Variants in MEGF10 observed in about 807,000 individuals in gnomAD.
MEGF10 encodes multiple EGF like domains 10, also known as multiple epidermal growth factor-like domains protein 10.
A neutral mutation model predicts 147.5 loss-of-function variants in MEGF10; 86 were observed. The ratio of observed to expected loss-of-function variants is 0.58; its 90% CI spans 0.49 to 0.70. The LOEUF (loss-of-function observed/expected upper bound fraction) is 0.70. MEGF10 is among the 30% of genes least tolerant of loss of function. MEGF10 has a pLI of 0.00. For synonymous variants in MEGF10, 478 were observed against 525.5 expected (o/e 0.91, Z 1.24); for missense variants, 1,329 against 1,487.3 (o/e 0.89, Z 1.75).
rs559326378 is a variant in MEGF10 at position 127,373,954 on chromosome 5, AC to A, written c.412+3953del. 4.3e-3 allele frequency among the ~76,000 whole-genome samples: 650 copies of A among 152,290 alleles called. 2 individuals are homozygous for A. The highest frequency in any genetic ancestry group is 7.5e-3 in the Non-Finnish European group (512 of 68,016). On this transcript the variant is annotated intron_variant, in intron 5 of 24. Transcript: ENST00000503335. ...ACTTGCTGGAAATATGCCCTCTAGG[AC>A]TTTTATAGGACTTTGGAAAAAACTC... is the stretch of plus-strand genomic sequence containing the variant.
intron 9 of MEGF10, among the ~76,000 whole-genome samples, chr5:127,417,417 T>C (rs1764817801): frequency 6.6e-6 from 1 of 152,226 alleles, no homozygotes; most frequent in Non-Finnish European, 1.5e-5. Context: ...TACATCCTGC[T>C]AGAGATGATG....
chr5:127,417,912 C>T (rs1028167376), intron 10 of MEGF10, 100 bp downstream of exon 10: 15 of 1,208,664 alleles, frequency 1.2e-5, no homozygotes, highest in Middle Eastern at 2.7e-4. Context: ...AGTGAATGTG[C>T]TAAAGTCATC....
At chr5:127,327,579 C>G (rs1271656085) in intron 1 of MEGF10, among the ~76,000 whole-genome samples, 2 of 152,192 alleles carry the variant, frequency 1.3e-5, no homozygotes, top group African/African-American at 4.8e-5. Flanking sequence ...ACTGGACTTT[C>G]CTTCTTCAGA....
chr5:127,388,833 C>T (rs1763539688), intron 5 of MEGF10, among the ~76,000 whole-genome samples: 1 of 152,206 alleles, frequency 6.6e-6, no homozygotes, highest in Non-Finnish European at 1.5e-5. Context: ...GCATGAGCCA[C>T]TGCCCCTGGC....
chr5:127,307,631 G>C (rs1349935547), intron 1 of MEGF10, among the ~76,000 whole-genome samples: 2 of 152,118 alleles, frequency 1.3e-5, no homozygotes, highest in Non-Finnish European at 1.5e-5. Context: ...CTTTAGCATA[G>C]TCTCAAAATT....
chr5:127,326,566 T>C (rs745745170), intron 1 of MEGF10, among the ~76,000 whole-genome samples: 6 of 152,178 alleles, frequency 3.9e-5, no homozygotes, highest in Non-Finnish European at 8.8e-5. Context: ...TTTAATGCAC[T>C]GAAGCTGGAC....
At chr5:127,297,452 A>C (rs989138199) in intron 1 of MEGF10, among the ~76,000 whole-genome samples, 5 of 152,182 alleles carry the variant, frequency 3.3e-5, no homozygotes, top group Admixed American at 6.5e-5. Flanking sequence ...AAAAAAAAAC[A>C]ACAACTGAGC....
At chr5:127,299,043 C>T (rs1325340175) in intron 1 of MEGF10, among the ~76,000 whole-genome samples, 1 of 152,114 alleles carries the variant, frequency 6.6e-6, no homozygotes, top group Non-Finnish European at 1.5e-5. Flanking sequence ...GCAGACATGG[C>T]GTTGGGGGAA....
chr5:127,427,819 T>C (rs1765254565), intron 13 of MEGF10, among the ~76,000 whole-genome samples: 1 of 152,182 alleles, frequency 6.6e-6, no homozygotes, highest in African/African-American at 2.4e-5. Flanking sequence ...TTGGAGGTAA[T>C]AACTTTAGTC....
rs1766467818 is a variant in MEGF10, at chr5:127,458,999, A to T, written c.*1681A>T. On this transcript the variant is annotated 3_prime_UTR_variant, in exon 25 of 25. Coordinates refer to ENST00000503335, the MANE Select transcript of MEGF10 (RefSeq NM_001256545.2). ...AAGCCAGTTTCCCTTTTGTTGATCT[A>T]CTTGACCAAGCAAAGGGGCTGAAAA... 1 of 152,200 alleles carries T rather than the reference A, an allele frequency of 6.6e-6. No homozygotes were observed. The highest frequency in any genetic ancestry group is 1.5e-5 in the Non-Finnish European group (1 of 68,034). The allele number at this position is 152,200 out of a possible 1,614,324, so 9.4% of individuals were successfully genotyped here.
intron 12 of MEGF10, among the ~76,000 whole-genome samples, chr5:127,422,208 A>G (rs894692673): frequency 2.0e-5 from 3 of 152,176 alleles, no homozygotes; most frequent in South Asian, 2.1e-4. Flanking sequence ...CTAAGAAGAC[A>G]TAGAAAGAGG....
At chr5:127,305,273 A>C (rs1208875411) in intron 1 of MEGF10, among the ~76,000 whole-genome samples, 1 of 152,214 alleles carries the variant, frequency 6.6e-6, no homozygotes, top group Non-Finnish European at 1.5e-5. Context: ...TGAGGTAAGG[A>C]AAGAGTCTGG....
chr5:127,302,227 A>G (rs955519058), intron 1 of MEGF10, among the ~76,000 whole-genome samples: 11 of 152,236 alleles, frequency 7.2e-5, no homozygotes, highest in Admixed American at 1.3e-4. Context: ...CCAAATGTCT[A>G]TCAACTGATA....
chr5:127,451,492 A>T (rs1294105867), intron 22 of MEGF10, among the ~76,000 whole-genome samples: 1 of 152,258 alleles, frequency 6.6e-6, no homozygotes, highest in African/African-American at 2.4e-5. Flanking sequence ...CTTATTGGTA[A>T]CATCATCTAA....
intron 8 of MEGF10, among the ~76,000 whole-genome samples, chr5:127,405,726 G>C (rs777111525): frequency 2.6e-5 from 4 of 151,910 alleles, no homozygotes; most frequent in Non-Finnish European, 5.9e-5. Context: ...TCTCATGTTT[G>C]CTATTGGTAT....
intron 1 of MEGF10, among the ~76,000 whole-genome samples, chr5:127,292,006 C>A (rs1024117399): frequency 1.3e-5 from 2 of 152,170 alleles, no homozygotes; most frequent in African/African-American, 4.8e-5. Context: ...GTTCTTCTTG[C>A]CTTACTCCTT....
chr5:127,449,289 C>A, intron 22 of MEGF10, 67 bp downstream of exon 22: 1 of 1,587,832 alleles, frequency 6.3e-7, no homozygotes, highest in Non-Finnish European at 8.6e-7. Flanking sequence ...AGTCACGGAT[C>A]TCTGTTTGTG....
At chr5:127,323,039 T>C (rs1369972976) in intron 1 of MEGF10, among the ~76,000 whole-genome samples, 1 of 152,098 alleles carries the variant, frequency 6.6e-6, no homozygotes, top group Non-Finnish European at 1.5e-5. Context: ...TATATGTATA[T>C]GCACAGGCAT....
At chr5:127,347,711 T>C (rs1167628552) in intron 4 of MEGF10, among the ~76,000 whole-genome samples, 1 of 152,076 alleles carries the variant, frequency 6.6e-6, no homozygotes, top group African/African-American at 2.4e-5. Context: ...TTATATTTAT[T>C]ATCTCTCCCT....
Sources: allele counts gnomAD v4.1 joint callset (sites outside exome capture counted in the v4.1 genomes callset), GRCh38; gene constraint gnomAD v4.1.1; transcripts MANE v1.5; gene names NCBI Gene and HGNC (gene_info 2026-07-23, HGNC 2026-07-21).